The following FAM78B variants were observed in gnomAD, a reference collection of about 807,000 sequenced individuals.
The protein encoded by FAM78B is protein FAM78B.
Under a neutral mutation model 20.0 loss-of-function variants are expected in FAM78B, and 10 were observed. The ratio of observed to expected loss-of-function variants is 0.50; its 90% confidence interval spans 0.31 to 0.85. FAM78B has a LOEUF of 0.85. Ranked by LOEUF, FAM78B falls within the 40% of genes least tolerant of loss-of-function variation. The probability of loss-of-function intolerance (pLI) is 0.05; values close to 1 mark genes in which losing one functional copy is unlikely to be tolerated. For missense variants in FAM78B, 283 were observed against 345.0 expected, an observed-to-expected ratio of 0.82 and a Z score of 1.42; for synonymous variants, 135 against 132.8, an observed-to-expected ratio of 1.02 and a Z score of -0.12.
intron 1 of FAM78B, among the ~76,000 whole-genome samples, chr1:166,095,547 G>T (rs1254423085): frequency 6.6e-6 from 1 of 152,156 alleles, no homozygotes; most frequent in Non-Finnish European, 1.5e-5. Context: ...GGGGAAGGGA[G>T]ATTAGGAACT....
At position 166,082,093 on chromosome 1, in the gene FAM78B, T is replaced by C. The variant is rs545617931; in HGVS notation, c.264-11330A>G. Among the ~76,000 whole-genome samples, 4 of 152,288 alleles carry C rather than the reference T, an allele frequency of 2.6e-5. No homozygotes were observed. The East Asian group carries it at 7.7e-4, about 29-fold the overall frequency. On this transcript the variant is annotated intron_variant, in intron 1 of 1. Coordinates refer to ENST00000354422, the MANE Select transcript of FAM78B (RefSeq NM_001017961.5). ...CTGCCCCTGCAAGCCACGAATATGG[T>C]TTTTATAAAATGTACATCAGGCCAT...
intron 1 of FAM78B, among the ~76,000 whole-genome samples, chr1:166,088,907 G>C (rs1652949393): frequency 6.6e-6 from 1 of 152,102 alleles, no homozygotes; most frequent in Non-Finnish European, 1.5e-5. Context: ...ACACAGTCCT[G>C]CATCCTCTGG....
rs552277552 is a variant in FAM78B, at chr1:166,101,168, C to T, written c.264-30405G>A. ...AAGGAAAACTAACAAACAGAAAGGA[C>T]ATCCACACCAAAACCCCATCTGTAC... On this transcript the variant is annotated intron_variant, in intron 1 of 1. Coordinates refer to ENST00000354422, the MANE Select transcript of FAM78B (RefSeq NM_001017961.5). 1.9e-4 allele frequency among the ~76,000 whole-genome samples: 29 copies of T among 152,278 alleles called. No homozygotes were observed. The South Asian group carries it at 5.8e-3, about 30-fold the overall frequency.
intron 1 of FAM78B, among the ~76,000 whole-genome samples, chr1:166,137,288 T>G (rs1331571159): frequency 6.6e-6 from 1 of 152,212 alleles, no homozygotes; most frequent in Non-Finnish European, 1.5e-5. Flanking sequence ...AGCAGGACAG[T>G]GAGCTATGAT....
chr1:166,089,205 A>G (rs1013176011), intron 1 of FAM78B, among the ~76,000 whole-genome samples: 10 of 152,226 alleles, frequency 6.6e-5, no homozygotes, highest in Non-Finnish European at 1.3e-4. Flanking sequence ...TCTCTGCTAT[A>G]GAACTGCATC....
chr1:166,084,112 G>A (rs1041290141), intron 1 of FAM78B, among the ~76,000 whole-genome samples: 1 of 150,888 alleles, frequency 6.6e-6, no homozygotes, highest in Non-Finnish European at 1.5e-5. Context: ...CAAGAAAGAC[G>A]CACATCCACA....
At chr1:166,076,726 T>A (rs1393363081) in intron 1 of FAM78B, among the ~76,000 whole-genome samples, 1 of 152,228 alleles carries the variant, frequency 6.6e-6, no homozygotes, top group East Asian at 1.9e-4. Context: ...AATCATTTGT[T>A]GAATACATAT....
chr1:166,074,204 A>G (rs1332366643), intron 1 of FAM78B, among the ~76,000 whole-genome samples: 1 of 152,190 alleles, frequency 6.6e-6, no homozygotes, highest in African/African-American at 2.4e-5. Flanking sequence ...CAGGACATAC[A>G]TGGCTCTCCA....
At chr1:166,123,519 G>C (rs987513103) in intron 1 of FAM78B, among the ~76,000 whole-genome samples, 1 of 152,198 alleles carries the variant, frequency 6.6e-6, no homozygotes, top group Non-Finnish European at 1.5e-5. Context: ...AACACACAAC[G>C]ACCCCAATTT....
At chr1:166,075,054 C>T (rs56034917) in intron 1 of FAM78B, among the ~76,000 whole-genome samples, 5 of 152,306 alleles carry the variant, frequency 3.3e-5, no homozygotes, top group Non-Finnish European at 5.9e-5. Context: ...AGTGAAGACA[C>T]TGCTGGCGGG....
chr1:166,120,824 T>G (rs1382949404), intron 1 of FAM78B, among the ~76,000 whole-genome samples: 2 of 152,204 alleles, frequency 1.3e-5, no homozygotes, highest in Admixed American at 6.5e-5. Flanking sequence ...ATAAATGCGC[T>G]AGGCAGGAGA....
chr1:166,137,990 C>T (rs1454119935), intron 1 of FAM78B, among the ~76,000 whole-genome samples: 1 of 152,202 alleles, frequency 6.6e-6, no homozygotes, highest in Admixed American at 6.5e-5. Context: ...GCAAAAAATA[C>T]TGGCAGGGCA....
rs187538000 is a variant in FAM78B, at chr1:166,102,335, C to A, written c.264-31572G>T. 1.6e-3 allele frequency among the ~76,000 whole-genome samples: 238 copies of A among 152,252 alleles called. 1 individual carries two copies. The highest frequency in any genetic ancestry group is 5.4e-3 in the African/African-American group (224 of 41,536). On this transcript the variant is annotated intron_variant, in intron 1 of 1. Coordinates refer to ENST00000354422, the MANE Select transcript of FAM78B (RefSeq NM_001017961.5). ...AAATAACCAGCTAACATCATCATGA[C>A]AGGATTAAATTCACACATAACAATA...
chr1:166,152,542 A>T (rs1185017983), intron 1 of FAM78B, among the ~76,000 whole-genome samples: 2 of 152,012 alleles, frequency 1.3e-5, no homozygotes, highest in Admixed American at 1.3e-4. Context: ...TCTGCTGCAG[A>T]CTTGCTGTGG....
chr1:166,150,105 AG>A (rs1258765629), intron 1 of FAM78B, among the ~76,000 whole-genome samples: 3 of 152,148 alleles, frequency 2.0e-5, no homozygotes, highest in South Asian at 2.1e-4. Flanking sequence ...GCTGTGCCTC[AG>A]GGGGGGTTTG....
At chr1:166,135,903 G>C (rs1655047622) in intron 1 of FAM78B, among the ~76,000 whole-genome samples, 1 of 152,208 alleles carries the variant, frequency 6.6e-6, no homozygotes, top group Admixed American at 6.5e-5. Context: ...AGGTATTTTA[G>C]AATCAGTACA....
At chr1:166,105,250 C>A (rs997052527) in intron 1 of FAM78B, among the ~76,000 whole-genome samples, 5 of 152,166 alleles carry the variant, frequency 3.3e-5, no homozygotes, top group African/African-American at 1.2e-4. Flanking sequence ...ACCATAAAAA[C>A]CCTAGAATAA....
At chr1:166,117,352 CTCTTTTTT>C (rs1392665732) in intron 1 of FAM78B, among the ~76,000 whole-genome samples, 2 of 152,076 alleles carry the variant, frequency 1.3e-5, no homozygotes, top group Non-Finnish European at 2.9e-5. Flanking sequence ...CACACTTTTT[CTCTTTTTT>C]TCTTTTATTA....
intron 1 of FAM78B, among the ~76,000 whole-genome samples, chr1:166,097,272 G>GAGAGGAGC (rs1486268669): frequency 6.6e-6 from 1 of 152,228 alleles, no homozygotes; most frequent in Non-Finnish European, 1.5e-5. Context: ...GATCCAACGG[G>GAGAGGAGC]AGAGGAGCAG....
Sources: gnomAD v4.1 joint callset for allele counts (sites outside exome capture counted in the v4.1 genomes callset) on GRCh38, gnomAD v4.1.1 for gene constraint, MANE v1.5 for transcripts, NCBI Gene and HGNC (gene_info 2026-07-23, HGNC 2026-07-21) for gene names.